Variants in STK32B observed in about 807,000 individuals in gnomAD.
STK32B encodes serine/threonine-protein kinase 32B.
STK32B carries 43 observed loss-of-function variants against 52.6 expected under a neutral mutation model. That is an observed-to-expected ratio of 0.82 (90% CI 0.64 to 1.05). The LOEUF is 1.05. Among genes scored for constraint, STK32B ranks in the 50% least tolerant of loss-of-function variants. The probability of loss-of-function intolerance (pLI) is 0.00; values close to 1 mark genes in which losing one functional copy is unlikely to be tolerated. For missense variants in STK32B, 621 were observed against 534.6 expected, an observed-to-expected ratio of 1.16 and a Z score of -1.59; for synonymous variants, 238 against 204.3, an observed-to-expected ratio of 1.17 and a Z score of -1.41.
intron 3 of STK32B, among the ~76,000 whole-genome samples, chr4:5,250,128 G>A (rs1441303633): frequency 6.6e-6 from 1 of 152,084 alleles, no homozygotes; most frequent in African/African-American, 2.4e-5. Flanking sequence ...TGGTGTATAT[G>A]TGCCATATTT....
chr4:5,167,876 C>T (rs1376595287), intron 2 of STK32B, among the ~76,000 whole-genome samples: 2 of 152,150 alleles, frequency 1.3e-5, no homozygotes, highest in African/African-American at 4.8e-5. Context: ...CAGGTAGGTG[C>T]AGAAGTGGGA....
At chr4:5,367,783 G>C (rs1203111413) in intron 4 of STK32B, among the ~76,000 whole-genome samples, 1 of 152,098 alleles carries the variant, frequency 6.6e-6, no homozygotes, top group Non-Finnish European at 1.5e-5. Context: ...TTTCTCTGCT[G>C]GACAGCAGAG....
chr4:5,271,975 T>C (rs1383416199), intron 3 of STK32B, among the ~76,000 whole-genome samples: 1 of 149,014 alleles, frequency 6.7e-6, no homozygotes, highest in Non-Finnish European at 1.5e-5. Context: ...CTTCTTCTTT[T>C]CCTAATTGAA....
chr4:5,157,872 G>C (rs887523009), intron 2 of STK32B, among the ~76,000 whole-genome samples: 1 of 152,174 alleles, frequency 6.6e-6, no homozygotes, highest in African/African-American at 2.4e-5. Flanking sequence ...TCCTATGTAG[G>C]AATCATCTTT....
chr4:5,412,426 G>T (rs1183409284), intron 5 of STK32B, among the ~76,000 whole-genome samples: 1 of 152,188 alleles, frequency 6.6e-6, no homozygotes, highest in Non-Finnish European at 1.5e-5. Context: ...AGCAGAAGTG[G>T]AATCCTGCTG....
chr4:5,212,878 A>G (rs1052016088), intron 3 of STK32B, among the ~76,000 whole-genome samples: 1 of 152,140 alleles, frequency 6.6e-6, no homozygotes, highest in Non-Finnish European at 1.5e-5. Flanking sequence ...TGGCGGAGAT[A>G]AATCAATGAT....
chr4:5,109,214 G>A (rs958766046), intron 1 of STK32B, among the ~76,000 whole-genome samples: 10 of 152,174 alleles, frequency 6.6e-5, no homozygotes, highest in Middle Eastern at 3.2e-3. Context: ...GGTGTCATGC[G>A]CAGCTGCCTC....
At chr4:5,175,624 G>A (rs1484124302) in intron 3 of STK32B, among the ~76,000 whole-genome samples, 1 of 152,224 alleles carries the variant, frequency 6.6e-6, no homozygotes, top group Non-Finnish European at 1.5e-5. Context: ...GCAGGTATTG[G>A]TGAACCGCAA....
intron 3 of STK32B, among the ~76,000 whole-genome samples, chr4:5,194,880 A>T (rs925663515): frequency 1.1e-4 from 16 of 152,150 alleles, no homozygotes; most frequent in African/African-American, 3.9e-4. Flanking sequence ...AGATTTCATG[A>T]AAACTCATTC....
chr4:5,419,755 GT>G (rs1234960248), intron 6 of STK32B, among the ~76,000 whole-genome samples: 2 of 152,184 alleles, frequency 1.3e-5, no homozygotes, highest in African/African-American at 4.8e-5. Flanking sequence ...GCATCCATGA[GT>G]TTTTGGTTTA....
intron 6 of STK32B, among the ~76,000 whole-genome samples, chr4:5,434,730 G>A (rs1713897903): frequency 6.6e-6 from 1 of 152,138 alleles, no homozygotes; most frequent in Non-Finnish European, 1.5e-5. Context: ...ATAACACATA[G>A]ACACTGAGCA....
chr4:5,311,902 T>TTATATA lies in STK32B; in HGVS notation c.261-19310_261-19305dup, dbSNP rs34791295. On this transcript the variant is annotated intron_variant, in intron 3 of 11. Transcript: ENST00000282908. The stretch of plus-strand genomic sequence containing the variant: ...GGAAATGGAAGAGAAGTGCATACTT[T>TTATATA]TATATATATATATTTTTTTTTAAAG... Among the ~76,000 whole-genome samples, 1,363 of 137,644 alleles carry TTATATA rather than the reference T, an allele frequency of 9.9e-3. 22 individuals are homozygous for TTATATA. Among genetic ancestry groups the TTATATA allele is most frequent in the African/African-American group, 0.04 (1,296 of 32,696 alleles). 90.3% of individuals were successfully genotyped at this position (137,644 alleles called of 152,430 possible).
intron 3 of STK32B, among the ~76,000 whole-genome samples, chr4:5,306,439 C>T (rs1480632209): frequency 1.3e-5 from 2 of 151,994 alleles, no homozygotes; most frequent in East Asian, 3.8e-4. Context: ...TTGGACTGGT[C>T]CTTTTATTAT....
At chr4:5,479,271 C>G (rs1246392328) in intron 11 of STK32B, among the ~76,000 whole-genome samples, 1 of 151,704 alleles carries the variant, frequency 6.6e-6, no homozygotes, top group East Asian at 1.9e-4. Context: ...AGGCGCCCAC[C>G]ACCACGCCCA....
chr4:5,221,005 A>C (rs1723493899), intron 3 of STK32B, among the ~76,000 whole-genome samples: 1 of 152,204 alleles, frequency 6.6e-6, no homozygotes, highest in African/African-American at 2.4e-5. Flanking sequence ...TTGAGTATCT[A>C]ACATAACTTA....
intron 3 of STK32B, among the ~76,000 whole-genome samples, chr4:5,327,559 G>T (rs1328533206): frequency 2.0e-5 from 3 of 151,880 alleles, no homozygotes; most frequent in Non-Finnish European, 4.4e-5. Context: ...ATTTTGAAAG[G>T]AATTTTTTTT....
chr4:5,382,565 C>T (rs1182059224), intron 4 of STK32B, among the ~76,000 whole-genome samples: 1 of 151,990 alleles, frequency 6.6e-6, no homozygotes, highest in African/African-American at 2.4e-5. Flanking sequence ...TCAGGGGTCC[C>T]GCTCTGTGGT....
chr4:5,475,254 A>G (rs1009660496), intron 11 of STK32B, among the ~76,000 whole-genome samples: 1 of 149,772 alleles, frequency 6.7e-6, no homozygotes, highest in Admixed American at 6.7e-5. Flanking sequence ...ACCCCCATCT[A>G]TACTAAAAAT....
At position 5,467,881 on chromosome 4, in the gene STK32B, G is replaced by C. The variant is rs2109168332; in HGVS notation, c.1042-125G>C. 2 of 1,073,302 alleles carry C rather than the reference G, an allele frequency of 1.9e-6. No homozygotes were observed. The highest frequency in any genetic ancestry group is 2.8e-6 in the Non-Finnish European group (2 of 710,772). The allele number at this position is 1,073,302 out of a possible 1,614,324, so 66.5% of individuals were successfully genotyped here. ...GGGTCAGCCCCAGACACTTAGCTTG[G>C]CTTGTCCCGGTCCCAAGCATCTGAG... is the stretch of plus-strand genomic sequence containing the variant. On this transcript the variant is annotated intron_variant, in intron 10 of 11. Transcript: ENST00000282908. This position sits in a 1 kb window ranked among gnomAD's most constrained non-coding sequence, Gnocchi z 5.8.
Sources: allele counts gnomAD v4.1 joint callset (sites outside exome capture counted in the v4.1 genomes callset), GRCh38; gene constraint gnomAD v4.1.1; non-coding constraint Gnocchi (gnomAD v3.1); transcripts MANE v1.5; gene names NCBI Gene and HGNC (gene_info 2026-07-23, HGNC 2026-07-21).